The following ZFPM1 variants were observed in gnomAD, a reference collection of about 807,000 sequenced individuals.
ZFPM1 encodes zinc finger protein ZFPM1.
A neutral mutation model predicts 46.3 loss-of-function variants in ZFPM1; 28 were observed. The observed-to-expected ratio is 0.60, with a 90% CI of 0.45 to 0.83. ZFPM1 has a LOEUF of 0.83. Among genes scored for constraint, ZFPM1 ranks in the 40% least tolerant of loss-of-function variants. ZFPM1 has a pLI of 0.00. For synonymous variants in ZFPM1, 957 were observed against 675.9 expected (o/e 1.42, Z -6.45); for missense variants, 1,878 against 1,432.4 (o/e 1.31, Z -5.02).
rs1405656461 is a variant in ZFPM1 at position 88,533,814 on chromosome 16, C to G, written c.1856C>G (p.Pro619Arg). Residue 619 changes from proline (P) to arginine (R), a missense_variant, in exon 10 of 10, where the codon CCC (proline) becomes CGC (arginine). Transcript: ENST00000319555. ...GCCGCGCGCAGGCCCAAGGCGCCCC[C>G]CGGCCCGGCCCGCGCGCCCCCCGGC... is the stretch of plus-strand genomic sequence containing the variant. The part of the protein sequence containing the change: ...APAARRPKAP[P>R]GPARAPPGQP... 3.9e-6 allele frequency: 4 copies of G among 1,036,420 alleles called. No individual in the cohort carries two copies. Among genetic ancestry groups the G allele is most frequent in the East Asian group, 7.8e-5 (1 of 12,896 alleles). 64.2% of individuals were successfully genotyped at this position (1,036,420 alleles called of 1,614,324 possible). A position where few individuals can be genotyped will look rare whatever the true frequency, so the allele number is the denominator to read the frequency against.
chr16:88,498,157 T>C (rs1232992742), intron 3 of ZFPM1, among the ~76,000 whole-genome samples: 3 of 152,066 alleles, frequency 2.0e-5, no homozygotes, highest in Non-Finnish European at 2.9e-5. Flanking sequence ...AGCCACCTCC[T>C]CTGGCTGTCC....
intron 1 of ZFPM1, among the ~76,000 whole-genome samples, chr16:88,459,329 G>T (rs975389563): frequency 6.6e-6 from 1 of 152,178 alleles, no homozygotes; most frequent in African/African-American, 2.4e-5. Context: ...GCTCAAAATA[G>T]ACATGGTCTG....
At chr16:88,475,165 C>T (rs745671451) in intron 1 of ZFPM1, among the ~76,000 whole-genome samples, 3 of 152,228 alleles carry the variant, frequency 2.0e-5, no homozygotes, top group South Asian at 2.1e-4. Context: ...GAGCCATGCC[C>T]GATGCCAGCC....
At chr16:88,516,232 T>G (rs750670015) in intron 4 of ZFPM1, 1 of 398,602 alleles carries the variant, frequency 2.5e-6, no homozygotes, top group Non-Finnish European at 4.4e-6. Context: ...AGCTCCTTAA[T>G]GGTAGGGCTG....
At chr16:88,501,122 C>T (rs1356894646) in intron 3 of ZFPM1, among the ~76,000 whole-genome samples, 2 of 138,060 alleles carry the variant, frequency 1.4e-5, no homozygotes, top group African/African-American at 5.9e-5. Context: ...AGATAGCAGA[C>T]ATGGATGCGG....
intron 4 of ZFPM1, chr16:88,522,256 G>A (rs765528732): frequency 6.6e-6 from 1 of 152,364 alleles, no homozygotes; most frequent in Admixed American, 6.5e-5. Context: ...TCCTTGCATG[G>A]TCGAGGGAGA....
At chr16:88,458,442 G>C (rs1293586611) in intron 1 of ZFPM1, among the ~76,000 whole-genome samples, 1 of 152,242 alleles carries the variant, frequency 6.6e-6, no homozygotes, top group Non-Finnish European at 1.5e-5. Flanking sequence ...ACCCAGTGTG[G>C]CATCCAGCAC....
At chr16:88,509,882 CGGAG>C (rs1029222012) in intron 3 of ZFPM1, among the ~76,000 whole-genome samples, 8 of 152,140 alleles carry the variant, frequency 5.3e-5, no homozygotes, top group African/African-American at 1.9e-4. Context: ...ACGCGCGTCA[CGGAG>C]GGGGCCACGG....
chr16:88,489,926 G>A (rs1016512418), intron 3 of ZFPM1, among the ~76,000 whole-genome samples: 8 of 152,122 alleles, frequency 5.3e-5, no homozygotes, highest in Non-Finnish European at 7.4e-5. Flanking sequence ...ATGGGAGCTG[G>A]TGGGTGAGGG....
At chr16:88,453,746 C>T (rs1298143451) in intron 1 of ZFPM1, 68 bp downstream of exon 1, 2 of 971,284 alleles carry the variant, frequency 2.1e-6, no homozygotes, top group African/African-American at 1.8e-5. Context: ...CCGCCAGCGC[C>T]GCCCCCGCCC....
chr16:88,515,689 T>C (rs1418701511), intron 4 of ZFPM1, among the ~76,000 whole-genome samples: 1 of 152,222 alleles, frequency 6.6e-6, no homozygotes, highest in Non-Finnish European at 1.5e-5. Flanking sequence ...CCCCGTGGCC[T>C]GGAGCAGGGA....
At chr16:88,474,556 G>A (rs759587561) in intron 1 of ZFPM1, among the ~76,000 whole-genome samples, 3 of 152,192 alleles carry the variant, frequency 2.0e-5, no homozygotes, top group Admixed American at 6.5e-5. Context: ...TCCCTGGGCC[G>A]TGCAGGGCTC....
chr16:88,529,088 T>G (rs1912575155), intron 6 of ZFPM1, among the ~76,000 whole-genome samples: 2 of 152,230 alleles, frequency 1.3e-5, no homozygotes, highest in Admixed American at 6.5e-5. Flanking sequence ...AAGGCCAGAC[T>G]GGGCAACACA....
At chr16:88,526,709 A>G in intron 4 of ZFPM1, 105 bp from the exon 5 acceptor site, 1 of 1,270,924 alleles carries the variant, frequency 7.9e-7, no homozygotes, top group Non-Finnish European at 1.1e-6. Flanking sequence ...CTACCAGCCA[A>G]GCCGGGAGGC....
chr16:88,476,397 C>T (rs570224685), intron 1 of ZFPM1, among the ~76,000 whole-genome samples: 5 of 152,116 alleles, frequency 3.3e-5, no homozygotes, highest in Middle Eastern at 3.4e-3. Context: ...GCTGGGGGTG[C>T]GGCCGTGAGC....
At chr16:88,455,901 G>T (rs371438053) in intron 1 of ZFPM1, among the ~76,000 whole-genome samples, 14 of 152,332 alleles carry the variant, frequency 9.2e-5, no homozygotes, top group African/African-American at 3.1e-4. Flanking sequence ...CCCCCAGCCC[G>T]CTGGGTTTTC....
intron 7 of ZFPM1, 21 bp downstream of exon 7, chr16:88,532,256 C>CT: frequency 6.4e-7 from 1 of 1,571,270 alleles, no homozygotes; most frequent in South Asian, 1.2e-5. Flanking sequence ...ACCCCGGACG[C>CT]GGGTCCTCAG....
chr16:88,535,435 C>T lies in ZFPM1; in HGVS notation c.*456C>T, dbSNP rs147682388. ...GCAGCCTCCACACTGCTGACCCTCTCCACGGTCTACTTGGCCGCCAGACAC... is the reference window on the plus strand; with the variant it reads ...GCAGCCTCCACACTGCTGACCCTCTTCACGGTCTACTTGGCCGCCAGACAC... On this transcript the variant is annotated 3_prime_UTR_variant, in exon 10 of 10. Transcript: ENST00000319555. The T allele has an allele frequency of 1.4e-3, 217 of 153,570 alleles. 1 individual carries two copies. Among genetic ancestry groups the T allele is most frequent in the African/African-American group, 5.0e-3 (207 of 41,612 alleles). The allele number at this position is 153,570 out of a possible 1,614,324, so 9.5% of individuals were successfully genotyped here.
At position 88,534,258 on chromosome 16, in the gene ZFPM1, A is replaced by T; in HGVS notation, c.2300A>T (p.Glu767Val). Residue 767 changes from glutamate to valine, a missense_variant, in exon 10 of 10, where the codon GAG (glutamate) becomes GTG (valine). Glu to Val is a moderately radical substitution (Grantham distance 121). Coordinates refer to ENST00000319555, the MANE Select transcript of ZFPM1 (RefSeq NM_153813.3). ...CCGCCCGGCCACGCCCCCGCGCCCG[A>T]GTCGCCGCGGCCCGGAAGCGGAAGC... ...PPPPGHAPAPESPRPGSGSGS... is the reference protein window; with the variant it reads ...PPPPGHAPAPVSPRPGSGSGS... 9.5e-7 allele frequency: 1 copy of T among 1,050,094 alleles called. No homozygotes were observed. Among genetic ancestry groups the T allele is most frequent in the Non-Finnish European group, 1.1e-6 (1 of 879,232 alleles). The allele number at this position is 1,050,094 out of a possible 1,614,324, so 65.0% of individuals were successfully genotyped here. A position where few individuals can be genotyped will look rare whatever the true frequency, so the allele number is the denominator to read the frequency against.
Sources: gnomAD v4.1 joint callset for allele counts (sites outside exome capture counted in the v4.1 genomes callset) on GRCh38, gnomAD v4.1.1 for gene constraint, MANE v1.5 for transcripts, NCBI Gene and HGNC (gene_info 2026-07-23, HGNC 2026-07-21) for gene names.